Variants in CDKAL1 observed in about 807,000 individuals in gnomAD.
The protein encoded by CDKAL1 is CDKAL1 threonylcarbamoyladenosine tRNA methylthiotransferase, also known as threonylcarbamoyladenosine tRNA methylthiotransferase.
In CDKAL1, 32 loss-of-function variants were observed where a neutral mutation model predicts 68.2. The observed-to-expected ratio is 0.47, with a 90% CI of 0.35 to 0.63. CDKAL1 has a LOEUF of 0.63. CDKAL1 is among the 30% of genes least tolerant of loss of function. The pLI, the probability that CDKAL1 is intolerant of heterozygous loss-of-function variation, is 0.00. For missense variants in CDKAL1, 606 were observed against 696.7 expected, an observed-to-expected ratio of 0.87 and a Z score of 1.47; for synonymous variants, 234 against 244.3, an observed-to-expected ratio of 0.96 and a Z score of 0.39.
chr6:20,554,246 T>G (rs1763949376), intron 4 of CDKAL1, among the ~76,000 whole-genome samples: 1 of 152,274 alleles, frequency 6.6e-6, no homozygotes, highest in Non-Finnish European at 1.5e-5. Context: ...TACATGGATA[T>G]GTGATATAAT....
At chr6:21,211,755 T>C (rs1779158302) in intron 15 of CDKAL1, among the ~76,000 whole-genome samples, 1 of 152,076 alleles carries the variant, frequency 6.6e-6, no homozygotes, top group Non-Finnish European at 1.5e-5. Context: ...TGGGAATATT[T>C]TGTTTTGCTT....
Position 20,961,483 on chromosome 6 carries a change from A to G in CDKAL1, c.909+5898A>G, listed in dbSNP as rs941210516. Among the ~76,000 whole-genome samples the G allele has an allele frequency of 5.3e-5, 8 of 152,218 alleles. No homozygotes were observed. In the East Asian group the frequency reaches 1.4e-3, roughly 26 times the overall value. ...TGGGAGAGGTTCAGAAAAAGAAAAT[A>G]TCGGCTGGGCGCAGTGGCTCACGCC... On this transcript the variant is annotated intron_variant, in intron 10 of 15. Transcript: ENST00000274695.
intron 8 of CDKAL1, among the ~76,000 whole-genome samples, chr6:20,841,289 C>A (rs1778164478): frequency 6.6e-6 from 1 of 151,964 alleles, no homozygotes; most frequent in South Asian, 2.1e-4. Flanking sequence ...TATCTTTGAC[C>A]TGAAGCAGAG....
chr6:20,976,616 A>C (rs535660005), intron 10 of CDKAL1, among the ~76,000 whole-genome samples: 1 of 152,292 alleles, frequency 6.6e-6, no homozygotes, highest in South Asian at 2.1e-4. Context: ...CCTGATCAAG[A>C]AATAGAGCAT....
At chr6:20,735,420 A>G (rs569853311) in intron 5 of CDKAL1, among the ~76,000 whole-genome samples, 1 of 152,320 alleles carries the variant, frequency 6.6e-6, no homozygotes, top group South Asian at 2.1e-4. Context: ...AGAGCTGAGC[A>G]AATGGGAAAG....
rs1775814205 is a variant in CDKAL1 at position 21,139,911 on chromosome 6, T to TC, written c.1299+31448_1299+31449insC. ...TGTATTACAAACAAAAATACCTTTTTTTCCCCTCAGGTAAATTACAAGGGT... is the reference window on the plus strand; with the variant it reads ...TGTATTACAAACAAAAATACCTTTTTCTTCCCCTCAGGTAAATTACAAGGGT... On this transcript the variant is annotated intron_variant, in intron 13 of 15. Coordinates refer to ENST00000274695, the MANE Select transcript of CDKAL1 (RefSeq NM_017774.3). Among the ~76,000 whole-genome samples the TC allele has an allele frequency of 3.9e-5, 6 of 152,344 alleles. No homozygotes were observed. The South Asian group carries it at 1.2e-3, about 32-fold the overall frequency.
At chr6:20,845,600 A>G (rs1778347893) in intron 8 of CDKAL1, among the ~76,000 whole-genome samples, 1 of 152,118 alleles carries the variant, frequency 6.6e-6, no homozygotes, top group South Asian at 2.1e-4. Flanking sequence ...TTTTCTTATG[A>G]GAATGCTATA....
chr6:20,655,099 C>T (rs989167157), intron 5 of CDKAL1, among the ~76,000 whole-genome samples: 3 of 152,144 alleles, frequency 2.0e-5, no homozygotes, highest in Non-Finnish European at 4.4e-5. Flanking sequence ...AGACTTTTTT[C>T]TCCCAATGTA....
chr6:20,665,235 A>G (rs1372075249), intron 5 of CDKAL1, among the ~76,000 whole-genome samples: 1 of 152,184 alleles, frequency 6.6e-6, no homozygotes, highest in Admixed American at 6.5e-5. Flanking sequence ...CGTACCCTTT[A>G]TTATACTGAA....
At chr6:20,979,390 C>G (rs962864686) in intron 10 of CDKAL1, among the ~76,000 whole-genome samples, 1 of 152,124 alleles carries the variant, frequency 6.6e-6, no homozygotes, top group Non-Finnish European at 1.5e-5. Context: ...ACTTTGGGTA[C>G]ATTGAGAAAC....
intron 13 of CDKAL1, among the ~76,000 whole-genome samples, chr6:21,146,691 A>C (rs1241151557): frequency 2.0e-5 from 3 of 151,918 alleles, no homozygotes; most frequent in Admixed American, 6.6e-5. Context: ...TCTACTAAAA[A>C]TACAAAAAAA....
At chr6:20,881,251 T>G (rs1053732512) in intron 9 of CDKAL1, among the ~76,000 whole-genome samples, 1 of 152,192 alleles carries the variant, frequency 6.6e-6, no homozygotes, top group Non-Finnish European at 1.5e-5. Flanking sequence ...AGAATTTGCA[T>G]TTCTGTCAGG....
intron 5 of CDKAL1, among the ~76,000 whole-genome samples, chr6:20,715,380 GGATCTTCTCCTTCTTAAA>G (rs1199958108): frequency 6.6e-6 from 1 of 152,084 alleles, no homozygotes; most frequent in Non-Finnish European, 1.5e-5. Context: ...ATCCATGACG[GGATCTTCTCCTTCTTAAA>G]GACTGAATAA....
At chr6:20,981,792 A>G (rs1296602244) in intron 10 of CDKAL1, among the ~76,000 whole-genome samples, 3 of 152,170 alleles carry the variant, frequency 2.0e-5, no homozygotes, top group Admixed American at 6.5e-5. Flanking sequence ...AGTGAGCCAA[A>G]AACGTGCCCC....
In CDKAL1 at chr6:20,829,699, TC is replaced by T. The variant is rs943680702; in HGVS notation, c.639-16375del. ...CATCAAATGTTTTATTTTAGGTCCT[TC>T]TGTACTGCAAGAGCAGAAGTAGACC... is the stretch of plus-strand genomic sequence containing the variant. On this transcript the variant is annotated intron_variant, in intron 8 of 15. Coordinates refer to ENST00000274695, the MANE Select transcript of CDKAL1 (RefSeq NM_017774.3). 2.2e-4 allele frequency among the ~76,000 whole-genome samples: 34 copies of T among 152,328 alleles called. 1 individual carries two copies. Among genetic ancestry groups the T allele is most frequent in the African/African-American group, 7.0e-4 (29 of 41,582 alleles).
intron 9 of CDKAL1, among the ~76,000 whole-genome samples, chr6:20,953,303 G>T (rs780919960): frequency 6.4e-4 from 97 of 152,120 alleles, no homozygotes; most frequent in Non-Finnish European, 1.1e-3. Context: ...TATTCATAGC[G>T]ATTTTTCCCC....
intron 9 of CDKAL1, among the ~76,000 whole-genome samples, chr6:20,926,917 A>G (rs1763214557): frequency 6.8e-6 from 1 of 147,666 alleles, no homozygotes; most frequent in South Asian, 2.1e-4. Flanking sequence ...ATATTTACAT[A>G]TATATTTTTA....
intron 11 of CDKAL1, among the ~76,000 whole-genome samples, chr6:21,021,672 C>T (rs1768674073): frequency 6.6e-6 from 1 of 152,094 alleles, no homozygotes; most frequent in African/African-American, 2.4e-5. Context: ...AAGAACGATG[C>T]CATCCTTTGG....
chr6:20,602,100 G>A (rs114087856), intron 4 of CDKAL1, among the ~76,000 whole-genome samples: 3,659 of 152,260 alleles, frequency 0.024, 135 homozygotes, highest in African/African-American at 0.077. Context: ...AATCTCCACA[G>A]AGTTCTCTGA....
Sources: allele counts gnomAD v4.1 joint callset (sites outside exome capture counted in the v4.1 genomes callset), GRCh38; gene constraint gnomAD v4.1.1; transcripts MANE v1.5; gene names NCBI Gene and HGNC (gene_info 2026-07-23, HGNC 2026-07-21).